The following SHROOM2 variants were observed in gnomAD, a reference collection of about 807,000 sequenced individuals.
The protein encoded by SHROOM2 is shroom family member 2.
Under a neutral mutation model 75.9 loss-of-function variants are expected in SHROOM2, and 33 were observed. The observed-to-expected ratio is 0.43, with a 90% CI of 0.33 to 0.58. The LOEUF (loss-of-function observed/expected upper bound fraction) is 0.58. Among genes scored for constraint, SHROOM2 ranks in the 20% least tolerant of loss-of-function variants. The pLI, the probability that SHROOM2 is intolerant of heterozygous loss-of-function variation, is 0.04. For missense variants in SHROOM2, 1,434 were observed against 1,461.2 expected (o/e 0.98, Z 0.30); for synonymous variants, 655 against 663.6 (o/e 0.99, Z 0.20).
At chrX:9,847,619 A>C (rs1289606491) in intron 1 of SHROOM2, among the ~76,000 whole-genome samples, 1 of 112,316 alleles carries the variant, frequency 8.9e-6, no homozygotes, top group East Asian at 2.8e-4. Flanking sequence ...AGTTGCATAA[A>C]GTGTCCTGTC....
At chrX:9,880,492 A>G (rs2084225754) in intron 2 of SHROOM2, among the ~76,000 whole-genome samples, 1 of 113,080 alleles carries the variant, frequency 8.8e-6, no homozygotes, top group African/African-American at 3.2e-5. Context: ...TGTGTTGCCA[A>G]GGGGCAGGGA....
intron 1 of SHROOM2, among the ~76,000 whole-genome samples, chrX:9,789,831 G>A (rs2146719486): frequency 8.9e-6 from 1 of 112,129 alleles, no homozygotes; most frequent in African/African-American, 3.2e-5. Flanking sequence ...GCCTTAGCCC[G>A]AAGCTCCAAA....
intron 1 of SHROOM2, among the ~76,000 whole-genome samples, chrX:9,823,416 G>A (rs5934691): frequency 1.8e-5 from 2 of 110,575 alleles, no homozygotes; most frequent in South Asian, 7.6e-4. Context: ...CTAATTTTTC[G>A]ATTTTTAGTA....
intron 1 of SHROOM2, among the ~76,000 whole-genome samples, chrX:9,797,307 G>A (rs2083700282): frequency 8.9e-6 from 1 of 112,622 alleles, no homozygotes; most frequent in African/African-American, 3.2e-5. Flanking sequence ...GTGGATCCCT[G>A]AATGACTGCA....
At chrX:9,898,696 G>A (rs988151765) in intron 5 of SHROOM2, among the ~76,000 whole-genome samples, 3 of 112,097 alleles carry the variant, frequency 2.7e-5, no homozygotes, top group African/African-American at 9.7e-5. Context: ...GCCTAGCCGC[G>A]GCCTGGAAAT....
intron 1 of SHROOM2, among the ~76,000 whole-genome samples, chrX:9,863,320 C>T (rs1293075733): frequency 9.0e-6 from 1 of 111,283 alleles, no homozygotes; most frequent in African/African-American, 3.3e-5. Context: ...CACATGCCCC[C>T]TTTTCACCTA....
At chrX:9,824,952 C>T (rs1470583296) in intron 1 of SHROOM2, among the ~76,000 whole-genome samples, 1 of 111,338 alleles carries the variant, frequency 9.0e-6, no homozygotes, top group Non-Finnish European at 1.9e-5. Context: ...GAGATGGCCT[C>T]GGGATTGTGG....
chrX:9,904,475 A>G lies in SHROOM2; in HGVS notation c.2891+6185A>G, dbSNP rs187933714. Among the ~76,000 whole-genome samples the G allele has an allele frequency of 4.6e-3, 514 of 112,142 alleles. 1 individual carries two copies. The highest frequency in any genetic ancestry group is 0.016 in the African/African-American group (488 of 30,868). On this transcript the variant is annotated intron_variant, in intron 5 of 9. Transcript: ENST00000380913. ...GTGGCCTGAGACTTGCCTTTCCAGA[A>G]GAATCCAGCCCTGTGGAAAGCTGCC...
intron 2 of SHROOM2, among the ~76,000 whole-genome samples, chrX:9,888,274 A>G (rs762972578): frequency 5.6e-4 from 63 of 111,712 alleles, no homozygotes; most frequent in Non-Finnish European, 1.1e-3. Context: ...TGCAGGGGCC[A>G]TACGTGCAAA....
chrX:9,799,874 G>T (rs1421888827), intron 1 of SHROOM2, among the ~76,000 whole-genome samples: 1 of 111,115 alleles, frequency 9.0e-6, no homozygotes, highest in Non-Finnish European at 1.9e-5. Context: ...CTTTTCGTCT[G>T]AACTCTGAGA....
intron 1 of SHROOM2, among the ~76,000 whole-genome samples, chrX:9,790,634 G>T (rs2083642421): frequency 1.8e-5 from 2 of 111,336 alleles, no homozygotes; most frequent in African/African-American, 6.5e-5. Context: ...ACTTTTTGAT[G>T]CCAGCTACCA....
At chrX:9,904,459 G>A (rs2084380920) in intron 5 of SHROOM2, among the ~76,000 whole-genome samples, 1 of 112,125 alleles carries the variant, frequency 8.9e-6, no homozygotes, top group South Asian at 3.7e-4. Context: ...TGTGGCCTGA[G>A]ACTTGCCTTT....
At position 9,827,223 on chromosome X, in the gene SHROOM2, C is replaced by CTTTTTTTTTTTT. The variant is rs397953893; in HGVS notation, c.165+40519_165+40530dup. ...TGTTAGCCTTGACATTTTTCTTTTT[C>CTTTTTTTTTTTT]TTTTTTTTTTTTTTTTTGAGACAGG... On this transcript the variant is annotated intron_variant, in intron 1 of 9. Coordinates refer to ENST00000380913, the MANE Select transcript of SHROOM2 (RefSeq NM_001649.4). Among the ~76,000 whole-genome samples, 13 of 60,132 alleles carry CTTTTTTTTTTTT rather than the reference C, an allele frequency of 2.2e-4. 2 individuals carry two copies. The highest frequency in any genetic ancestry group is 4.5e-4 in the African/African-American group (6 of 13,334). 52.2% of individuals were successfully genotyped at this position (60,132 alleles called of 115,157 possible).
chrX:9,858,278 A>G (rs1337945671), intron 1 of SHROOM2, among the ~76,000 whole-genome samples: 2 of 111,650 alleles, frequency 1.8e-5, no homozygotes, highest in Non-Finnish European at 3.8e-5. Flanking sequence ...TCACTGAACA[A>G]GGCCCGTCCC....
chrX:9,894,322 G>C lies in SHROOM2; in HGVS notation c.450-36G>C, dbSNP rs370993099. The C allele has an allele frequency of 4.9e-5, 58 of 1,175,874 alleles. No homozygotes were observed. The African/African-American group carries it at 9.6e-4, about 19-fold the overall frequency. On this transcript the variant is annotated intron_variant, in intron 3 of 9. Coordinates refer to ENST00000380913, the MANE Select transcript of SHROOM2 (RefSeq NM_001649.4). Reference sequence around the variant, plus strand: ...GCCCTTTGCCATTGCTGTTGCTAAAGCACACCATGCCTTGTCCTTCTTCTC... The same window carrying C: ...GCCCTTTGCCATTGCTGTTGCTAAACCACACCATGCCTTGTCCTTCTTCTC...
At chrX:9,899,261 C>CA (rs139411655) in intron 5 of SHROOM2, among the ~76,000 whole-genome samples, 216 of 97,347 alleles carry the variant, frequency 2.2e-3, no homozygotes, top group African/African-American at 6.0e-3. Flanking sequence ...GACCCTGTCT[C>CA]AAAAAAAAAA....
intron 2 of SHROOM2, among the ~76,000 whole-genome samples, chrX:9,882,302 C>T (rs1178641840): frequency 4.8e-5 from 5 of 103,392 alleles, no homozygotes; most frequent in Non-Finnish European, 7.7e-5. Flanking sequence ...CTATATAAAA[C>T]GAGTCATATT....
intron 1 of SHROOM2, among the ~76,000 whole-genome samples, chrX:9,870,353 G>A (rs752985510): frequency 8.9e-6 from 1 of 112,057 alleles, no homozygotes; most frequent in Non-Finnish European, 1.9e-5. Flanking sequence ...ATATTTTTAT[G>A]CTTTGCTTTA....
chrX:9,871,176 G>C (rs977005814), intron 1 of SHROOM2, among the ~76,000 whole-genome samples: 9 of 111,653 alleles, frequency 8.1e-5, no homozygotes, highest in Non-Finnish European at 9.4e-5. Flanking sequence ...TTCCCACCCT[G>C]CCTGGATACT....
Sources: gnomAD v4.1 joint callset for allele counts (sites outside exome capture counted in the v4.1 genomes callset) on GRCh38, gnomAD v4.1.1 for gene constraint, MANE v1.5 for transcripts, NCBI Gene and HGNC (gene_info 2026-07-23, HGNC 2026-07-21) for gene names.